The following ITCH variants were observed in gnomAD, a reference collection of about 807,000 sequenced individuals.
The protein encoded by ITCH is E3 ubiquitin-protein ligase Itchy homolog.
In ITCH, 28 loss-of-function variants were observed where a neutral mutation model predicts 126.8. That is an observed-to-expected ratio of 0.22 (90% CI 0.16 to 0.30). ITCH has a LOEUF of 0.30. Ranked by LOEUF, ITCH falls within the 10% of genes least tolerant of loss-of-function variation. The probability of loss-of-function intolerance (pLI) is 1.00; values close to 1 mark genes in which losing one functional copy is unlikely to be tolerated. For missense variants in ITCH, 631 were observed against 1,032.4 expected, an observed-to-expected ratio of 0.61 and a Z score of 5.33; for synonymous variants, 342 against 340.0, an observed-to-expected ratio of 1.01 and a Z score of -0.06.
At chr20:34,486,289 GA>G (rs1374645015) in intron 20 of ITCH, among the ~76,000 whole-genome samples, 1 of 151,218 alleles carries the variant, frequency 6.6e-6, no homozygotes, top group African/African-American at 2.4e-5. Flanking sequence ...CAAAGTGCTG[GA>G]ATTATAGGCA....
At chr20:34,412,423 CTTTAG>C in intron 4 of ITCH, 87 bp from the exon 5 acceptor site, 1 of 1,000,870 alleles carries the variant, frequency 1.0e-6, no homozygotes, top group Non-Finnish European at 1.5e-6. Flanking sequence ...AGTGAGAAGA[CTTTAG>C]ACTTTAAAAC....
chr20:34,466,516 G>C (rs551841138), intron 14 of ITCH: 12 of 458,136 alleles, frequency 2.6e-5, no homozygotes, highest in Non-Finnish European at 4.6e-5. Context: ...AATTACAGAG[G>C]TAATTTAGAT....
intron 11 of ITCH, among the ~76,000 whole-genome samples, chr20:34,446,933 T>C (rs1001953755): frequency 1.3e-5 from 2 of 152,236 alleles, no homozygotes; most frequent in African/African-American, 2.4e-5. Context: ...AGAGTTTTTC[T>C]GAGGATTCTT....
intron 15 of ITCH, among the ~76,000 whole-genome samples, chr20:34,471,235 T>C (rs1987592369): frequency 6.6e-6 from 1 of 152,216 alleles, no homozygotes; most frequent in Non-Finnish European, 1.5e-5. Flanking sequence ...ATGAGATCAA[T>C]CTTGTGGTTC....
intron 11 of ITCH, 61 bp downstream of exon 11, chr20:34,445,522 T>A: frequency 6.6e-7 from 1 of 1,525,530 alleles, no homozygotes; most frequent in Non-Finnish European, 9.1e-7. Flanking sequence ...CCTTCCAGCA[T>A]ATGTCATGGA....
At chr20:34,501,518 G>A (rs57262828) in intron 23 of ITCH, among the ~76,000 whole-genome samples, 1 of 152,200 alleles carries the variant, frequency 6.6e-6, no homozygotes, top group African/African-American at 2.4e-5. Context: ...GCTCACGCCT[G>A]TAATCCCAGC....
intron 14 of ITCH, among the ~76,000 whole-genome samples, chr20:34,463,138 G>A (rs560927829): frequency 6.6e-6 from 1 of 152,304 alleles, no homozygotes; most frequent in South Asian, 2.1e-4. Flanking sequence ...CAAGGCAGGC[G>A]GATCACCTGA....
At chr20:34,474,568 T>C (rs552636542) in intron 16 of ITCH, among the ~76,000 whole-genome samples, 1 of 152,390 alleles carries the variant, frequency 6.6e-6, no homozygotes, top group Non-Finnish European at 1.5e-5. Context: ...TACTTCTTTC[T>C]GCACAGACAC....
chr20:34,407,396 A>G (rs537901827), intron 3 of ITCH, among the ~76,000 whole-genome samples: 1 of 152,106 alleles, frequency 6.6e-6, no homozygotes, highest in African/African-American at 2.4e-5. Context: ...CCTCCTGAGT[A>G]GCTGGGATTA....
chr20:34,480,007 T>G (rs1988584601), intron 18 of ITCH, among the ~76,000 whole-genome samples: 1 of 152,146 alleles, frequency 6.6e-6, no homozygotes, highest in South Asian at 2.1e-4. Flanking sequence ...CAGTCAGTTC[T>G]CCCGCCTCAG....
intron 12 of ITCH, among the ~76,000 whole-genome samples, chr20:34,452,069 C>CAA (rs765697780): frequency 3.5e-3 from 179 of 51,858 alleles, no homozygotes; most frequent in Middle Eastern, 9.1e-3. Context: ...GACCCTGTCT[C>CAA]AAAAAAAAAA....
At chr20:34,417,103 T>TC in intron 6 of ITCH, 1 of 623,496 alleles carries the variant, frequency 1.6e-6, no homozygotes, top group East Asian at 3.1e-5. Flanking sequence ...AGGTAGACTT[T>TC]TTTTTTTTTT....
intron 6 of ITCH, among the ~76,000 whole-genome samples, chr20:34,414,146 A>G (rs1322533881): frequency 1.7e-4 from 24 of 145,210 alleles, no homozygotes. Flanking sequence ...TGTTTCTTTA[A>G]AAAAAAAAAA....
chr20:34,417,829 G>A (rs1218041367), intron 6 of ITCH, among the ~76,000 whole-genome samples: 1 of 145,488 alleles, frequency 6.9e-6, no homozygotes, highest in African/African-American at 2.6e-5. Context: ...TTTTCTTTTC[G>A]TGGGATGGTT....
At chr20:34,401,776 C>A (rs1242309405) in intron 3 of ITCH, 1 of 265,616 alleles carries the variant, frequency 3.8e-6, no homozygotes, top group Non-Finnish European at 5.8e-6. Context: ...GGAAAAAAAA[C>A]CACTAAGATG....
At chr20:34,489,794 A>G (rs1226215076) in intron 21 of ITCH, 28 bp from the exon 22 acceptor site, 3 of 1,477,160 alleles carry the variant, frequency 2.0e-6, no homozygotes, top group African/African-American at 1.4e-5. Flanking sequence ...TTACCTTAGG[A>G]AACAATTTGT....
intron 12 of ITCH, among the ~76,000 whole-genome samples, chr20:34,456,330 C>T (rs1985997963): frequency 7.3e-6 from 1 of 137,024 alleles, no homozygotes; most frequent in Admixed American, 7.5e-5. Flanking sequence ...GTTCAGGTGA[C>T]CCTCCTGCCT....
intron 2 of ITCH, among the ~76,000 whole-genome samples, chr20:34,373,725 A>C (rs2037728835): frequency 6.6e-6 from 1 of 152,096 alleles, no homozygotes; most frequent in Non-Finnish European, 1.5e-5. Flanking sequence ...AAAAGAGAAG[A>C]ATTTTAATAC....
At chr20:34,376,459 CATAA>C (rs1010544824) in intron 2 of ITCH, among the ~76,000 whole-genome samples, 16 of 150,160 alleles carry the variant, frequency 1.1e-4, no homozygotes, top group African/African-American at 2.5e-4. Flanking sequence ...AAAATAAATA[CATAA>C]ATAAATAAAT....
Sources: gnomAD v4.1 joint callset for allele counts (sites outside exome capture counted in the v4.1 genomes callset) on GRCh38, gnomAD v4.1.1 for gene constraint, MANE v1.5 for transcripts, NCBI Gene and HGNC (gene_info 2026-07-23, HGNC 2026-07-21) for gene names.